Variants in CNTN5 observed in about 807,000 individuals in gnomAD.
CNTN5 encodes contactin 5, also known as contactin-5.
In CNTN5, 77 loss-of-function variants were observed where a neutral mutation model predicts 129.1. That is an observed-to-expected ratio of 0.60 (90% CI 0.50 to 0.72). CNTN5 has a LOEUF of 0.72. CNTN5 is among the 30% of genes least tolerant of loss of function. The pLI is 0.00. For synonymous variants in CNTN5, 509 were observed against 465.6 expected, an observed-to-expected ratio of 1.09 and a Z score of -1.20; for missense variants, 1,478 against 1,328.8, an observed-to-expected ratio of 1.11 and a Z score of -1.75.
chr11:99,688,442 A>G (rs562168213), intron 3 of CNTN5, among the ~76,000 whole-genome samples: 5 of 152,326 alleles, frequency 3.3e-5, no homozygotes, highest in Admixed American at 6.5e-5. Flanking sequence ...TGAATTATTT[A>G]CAAAGTCTTA....
chr11:99,257,103 G>T (rs542585439), intron 1 of CNTN5, among the ~76,000 whole-genome samples: 1 of 152,202 alleles, frequency 6.6e-6, no homozygotes, highest in South Asian at 2.1e-4. Flanking sequence ...GTTAGAGAAG[G>T]TGCACATGGT....
At chr11:99,698,618 C>G (rs1050222945) in intron 3 of CNTN5, among the ~76,000 whole-genome samples, 1 of 151,418 alleles carries the variant, frequency 6.6e-6, no homozygotes. Context: ...ACCAACTGTT[C>G]CAACTTTTGA....
chr11:99,869,316 G>A (rs1948439769), intron 6 of CNTN5, among the ~76,000 whole-genome samples: 1 of 152,072 alleles, frequency 6.6e-6, no homozygotes. Flanking sequence ...AAAATCAAGA[G>A]TAACAATTTC....
intron 3 of CNTN5, among the ~76,000 whole-genome samples, chr11:99,746,327 ACT>A (rs1944055009): frequency 6.6e-6 from 1 of 152,006 alleles, no homozygotes; most frequent in Non-Finnish European, 1.5e-5. Flanking sequence ...AATTGAAGAG[ACT>A]CTGTTTCTCA....
intron 8 of CNTN5, among the ~76,000 whole-genome samples, chr11:99,989,704 ACTT>A (rs2137404603): frequency 6.6e-6 from 1 of 152,290 alleles, no homozygotes; most frequent in African/African-American, 2.4e-5. Context: ...TTTAAAAAAA[ACTT>A]CATCTCACTT....
chr11:100,270,329 G>A (rs192085903), intron 17 of CNTN5, among the ~76,000 whole-genome samples: 4 of 152,298 alleles, frequency 2.6e-5, no homozygotes, highest in Admixed American at 2.6e-4. Context: ...CGGCTCTACT[G>A]CCATGCCTAC....
chr11:99,867,942 C>T (rs748679966), intron 6 of CNTN5, among the ~76,000 whole-genome samples: 24 of 152,060 alleles, frequency 1.6e-4, no homozygotes, highest in Non-Finnish European at 2.4e-4. Context: ...TGGCCAAGCG[C>T]GGTGGCTCAC....
intron 9 of CNTN5, among the ~76,000 whole-genome samples, chr11:100,020,314 G>A (rs1941065341): frequency 6.6e-6 from 1 of 151,690 alleles, no homozygotes; most frequent in South Asian, 2.1e-4. Context: ...TTGTATATGG[G>A]GTGAGACAAA....
Position 99,822,037 on chromosome 11 carries a change from G to A in CNTN5, c.277+2272G>A, listed in dbSNP as rs183115961. ...TCTTTTTCTCTGACAAGAGTCTGACGTATGGCTTTTGTCAGGTAATTCCCT... is the reference window on the plus strand; with the variant it reads ...TCTTTTTCTCTGACAAGAGTCTGACATATGGCTTTTGTCAGGTAATTCCCT... On this transcript the variant is annotated intron_variant, in intron 4 of 24. Transcript: ENST00000524871. Among the ~76,000 whole-genome samples, 412 of 152,190 alleles carry A rather than the reference G, an allele frequency of 2.7e-3. 1 individual carries two copies. The highest frequency in any genetic ancestry group is 9.5e-3 in the African/African-American group (395 of 41,512).
At chr11:100,299,552 T>G (rs1462182507) in intron 20 of CNTN5, among the ~76,000 whole-genome samples, 156 bp downstream of exon 20, 1 of 151,528 alleles carries the variant, frequency 6.6e-6, no homozygotes, top group Non-Finnish European at 1.5e-5. Flanking sequence ...CCCAAACTTT[T>G]TTTAATTTTT....
At chr11:99,836,273 C>T (rs1228264565) in intron 4 of CNTN5, among the ~76,000 whole-genome samples, 2 of 150,956 alleles carry the variant, frequency 1.3e-5, no homozygotes, top group African/African-American at 4.9e-5. Flanking sequence ...AGGTATATCT[C>T]CTAATGCTAT....
At chr11:99,267,920 G>GCGCA (rs905178705) in intron 1 of CNTN5, among the ~76,000 whole-genome samples, 6 of 140,538 alleles carry the variant, frequency 4.3e-5, no homozygotes, top group South Asian at 2.3e-4. Flanking sequence ...ACACACACAC[G>GCGCA]CACACACACA....
chr11:99,990,758 C>T (rs1360666869), intron 8 of CNTN5, among the ~76,000 whole-genome samples: 3 of 152,036 alleles, frequency 2.0e-5, no homozygotes, highest in African/African-American at 4.8e-5. Context: ...GGACATGTTT[C>T]TAAATGATTA....
chr11:99,563,259 A>G (rs1278468666), intron 3 of CNTN5, among the ~76,000 whole-genome samples: 3 of 152,094 alleles, frequency 2.0e-5, no homozygotes, highest in Admixed American at 2.0e-4. Flanking sequence ...AGTAGTAGAA[A>G]CCCCAGCGTT....
chr11:99,581,507 T>C (rs1949591616), intron 3 of CNTN5, among the ~76,000 whole-genome samples: 2 of 150,820 alleles, frequency 1.3e-5, no homozygotes, highest in Admixed American at 1.3e-4. Context: ...TTTATGAATC[T>C]GGGTGCTCCT....
chr11:99,286,225 T>C (rs10160568), intron 1 of CNTN5, among the ~76,000 whole-genome samples: 6,597 of 152,280 alleles, frequency 0.043, 465 homozygotes, highest in African/African-American at 0.15. Flanking sequence ...GTTTCAGTTA[T>C]CATCCCCTAA....
chr11:100,290,789 G>T (rs1950942041), intron 18 of CNTN5, among the ~76,000 whole-genome samples: 1 of 150,054 alleles, frequency 6.7e-6, no homozygotes, highest in African/African-American at 2.4e-5. Context: ...CTTCTGCACA[G>T]CAAAAGAAAC....
chr11:99,032,124 C>T (rs542013331), intron 1 of CNTN5, among the ~76,000 whole-genome samples: 1 of 152,092 alleles, frequency 6.6e-6, no homozygotes, highest in South Asian at 2.1e-4. Context: ...GCATATTATT[C>T]CATGGTGTAT....
intron 3 of CNTN5, among the ~76,000 whole-genome samples, chr11:99,620,907 A>T (rs948211688): frequency 6.9e-6 from 1 of 144,978 alleles, no homozygotes; most frequent in African/African-American, 2.5e-5. Flanking sequence ...AAATTTAAGC[A>T]TCTAACTATA....
Sources: gnomAD v4.1 joint callset for allele counts (sites outside exome capture counted in the v4.1 genomes callset) on GRCh38, gnomAD v4.1.1 for gene constraint, MANE v1.5 for transcripts, NCBI Gene and HGNC (gene_info 2026-07-23, HGNC 2026-07-21) for gene names.